The following PRIMPOL variants were observed in gnomAD, a reference collection of about 807,000 sequenced individuals.
PRIMPOL encodes primase and DNA directed polymerase.
In PRIMPOL, 54 loss-of-function variants were observed where a neutral mutation model predicts 63.6. The observed-to-expected ratio is 0.85, with a 90% CI of 0.68 to 1.07. The LOEUF (loss-of-function observed/expected upper bound fraction) is 1.07, where lower values mean the gene tolerates loss of function less well. Among genes scored for constraint, PRIMPOL ranks in the 50% least tolerant of loss-of-function variants. The pLI, the probability that PRIMPOL is intolerant of heterozygous loss-of-function variation, is 0.00. For synonymous variants in PRIMPOL, 197 were observed against 220.2 expected (o/e 0.89, Z 0.93); for missense variants, 610 against 648.3 (o/e 0.94, Z 0.64).
At chr4:184,664,218 C>A (rs1306691600) in intron 5 of PRIMPOL, among the ~76,000 whole-genome samples, 5 of 152,238 alleles carry the variant, frequency 3.3e-5, no homozygotes, top group Non-Finnish European at 5.9e-5. Flanking sequence ...AATTTATTCT[C>A]TGTAGCTCCG....
intron 9 of PRIMPOL, among the ~76,000 whole-genome samples, chr4:184,685,028 T>C (rs1756645790): frequency 6.6e-6 from 1 of 152,130 alleles, no homozygotes. Flanking sequence ...GTTGAAGTTC[T>C]GTGAGATTGC....
chr4:184,655,405 C>A (rs950627247), intron 2 of PRIMPOL, among the ~76,000 whole-genome samples: 23 of 148,926 alleles, frequency 1.5e-4, no homozygotes, highest in African/African-American at 5.7e-4. Context: ...CTCACTGGCA[C>A]CTCCACTCCT....
At chr4:184,666,348 AGCTACTCGGGAT>A (rs1252821264) in intron 6 of PRIMPOL, among the ~76,000 whole-genome samples, 1 of 152,166 alleles carries the variant, frequency 6.6e-6, no homozygotes, top group Non-Finnish European at 1.5e-5. Flanking sequence ...CTGTAGTCCC[AGCTACTCGGGAT>A]GCTGAGGCAC....
At chr4:184,651,869 G>T (rs1744618927) in intron 1 of PRIMPOL, among the ~76,000 whole-genome samples, 154 bp from the exon 2 acceptor site, 1 of 152,228 alleles carries the variant, frequency 6.6e-6, no homozygotes, top group African/African-American at 2.4e-5. Context: ...GGCTGGTCTC[G>T]AACTCCTGAC....
intron 9 of PRIMPOL, 65 bp downstream of exon 9, chr4:184,682,401 T>G: frequency 1.2e-6 from 1 of 868,544 alleles, no homozygotes; most frequent in Non-Finnish European, 1.9e-6. Context: ...CAGGCTGGAG[T>G]GCAGTGGTGC....
chr4:184,682,415 CTCG>C, intron 9 of PRIMPOL, 79 bp downstream of exon 9: 1 of 731,932 alleles, frequency 1.4e-6, no homozygotes, highest in Non-Finnish European at 2.4e-6. Flanking sequence ...GTGGTGCGAT[CTCG>C]GCTCACTGCA....
rs987851112 is a variant in PRIMPOL, at chr4:184,657,211, T to G, written c.71T>G (p.Leu24Trp). 4 of 1,613,576 alleles carry G rather than the reference T, an allele frequency of 2.5e-6. No homozygotes were observed. The highest frequency in any genetic ancestry group is 1.7e-4 in the Middle Eastern group (1 of 6,058). Reference protein sequence around the residue: ...ERASHYERKPLSSVYRPRLSK... With the variant: ...ERASHYERKPWSSVYRPRLSK... ...GCATCTCATTATGAGAGGAAACCGT[T>G]GTCCTCAGTGTATAGACCAAGATTG... The change falls in exon 3 of 14, where the codon TTG becomes TGG. Residue 24 changes from leucine to tryptophan, a missense_variant. Coordinates refer to ENST00000314970, the MANE Select transcript of PRIMPOL (RefSeq NM_152683.4).
chr4:184,665,827 C>T, intron 5 of PRIMPOL, 90 bp from the exon 6 acceptor site: 1 of 820,292 alleles, frequency 1.2e-6, no homozygotes, highest in Non-Finnish European at 1.8e-6. Flanking sequence ...CTTTTTAACT[C>T]ATAGATGATA....
At chr4:184,674,651 C>G (rs1361202541) in intron 7 of PRIMPOL, among the ~76,000 whole-genome samples, 2 of 152,166 alleles carry the variant, frequency 1.3e-5, no homozygotes, top group Non-Finnish European at 2.9e-5. Context: ...TGACCGGAAG[C>G]CTCATTGATA....
At chr4:184,660,301 C>G (rs1747962359) in intron 4 of PRIMPOL, among the ~76,000 whole-genome samples, 1 of 151,892 alleles carries the variant, frequency 6.6e-6, no homozygotes, top group Non-Finnish European at 1.5e-5. Context: ...CTGTCTCAGT[C>G]TCCCAAGTAG....
At position 184,654,608 on chromosome 4, in the gene PRIMPOL, G is replaced by A. The variant is rs542323890; in HGVS notation, c.-59-2474G>A. 2.7e-3 allele frequency among the ~76,000 whole-genome samples: 413 copies of A among 151,954 alleles called. 4 individuals are homozygous for A. Among genetic ancestry groups the A allele is most frequent in the African/African-American group, 9.1e-3 (375 of 41,436 alleles). On this transcript the variant is annotated intron_variant, in intron 2 of 13. Transcript: ENST00000314970. ...TGGGACTACAGGCACCCACCACCAC[G>A]CCCAGCTAATTTGTTTTGTATTTTT...
Position 184,691,561 on chromosome 4 carries a change from C to T in PRIMPOL, c.1358C>T (p.Ala453Val), listed in dbSNP as rs1758541187. 3 of 1,607,148 alleles carry T rather than the reference C, an allele frequency of 1.9e-6. No individual in the cohort carries two copies. Among genetic ancestry groups the T allele is most frequent in the South Asian group, 2.2e-5 (2 of 90,738 alleles). Reference sequence around the variant, plus strand: ...AAATGTCATGACCCTGTATGTAAAGCAGAAAACTTCAAATCTGACTGTAAG... The same window carrying T: ...AAATGTCATGACCCTGTATGTAAAGTAGAAAACTTCAAATCTGACTGTAAG... ...YQKCHDPVCKAENFKSDCFPL... is the reference protein window; with the variant it reads ...YQKCHDPVCKVENFKSDCFPL... Residue 453 changes from alanine to valine, a missense_variant, in exon 12 of 14, where the codon GCA (alanine) becomes GTA (valine). Physicochemically the swap from Ala to Val is moderately conservative, Grantham distance 64. This residue lies in a region of PRIMPOL where 444 missense variants were observed against 456.4 expected (regional missense o/e 0.97). Coordinates refer to ENST00000314970, the MANE Select transcript of PRIMPOL (RefSeq NM_152683.4).
chr4:184,678,115 C>G (rs1190164978), intron 7 of PRIMPOL, 117 bp from the exon 8 acceptor site: 4 of 581,120 alleles, frequency 6.9e-6, no homozygotes, highest in Non-Finnish European at 1.1e-5. Flanking sequence ...TTGTTTACAG[C>G]TATATATAGA....
intron 5 of PRIMPOL, among the ~76,000 whole-genome samples, chr4:184,664,452 C>G (rs181851062): frequency 5.3e-5 from 8 of 152,232 alleles, no homozygotes; most frequent in Non-Finnish European, 1.2e-4. Flanking sequence ...ACCTATTTCT[C>G]CCCCAAGTAA....
intron 2 of PRIMPOL, among the ~76,000 whole-genome samples, chr4:184,655,841 G>A (rs1746285789): frequency 6.6e-6 from 1 of 152,070 alleles, no homozygotes; most frequent in South Asian, 2.1e-4. Flanking sequence ...TTTCCACATA[G>A]GTAAATTATG....
At chr4:184,651,247 C>T (rs1015320827) in intron 1 of PRIMPOL, among the ~76,000 whole-genome samples, 4 of 151,252 alleles carry the variant, frequency 2.6e-5, no homozygotes, top group Admixed American at 6.6e-5. Context: ...GCTGAGATTG[C>T]GCCACTGCAC....
chr4:184,678,467 C>A, intron 8 of PRIMPOL, 73 bp downstream of exon 8: 2 of 1,013,030 alleles, frequency 2.0e-6, no homozygotes, highest in Admixed American at 2.8e-5. Context: ...TTGTATATTA[C>A]TAAAATGTAA....
At chr4:184,685,949 C>T (rs983911705) in intron 11 of PRIMPOL, among the ~76,000 whole-genome samples, 1 of 152,028 alleles carries the variant, frequency 6.6e-6, no homozygotes, top group Non-Finnish European at 1.5e-5. Context: ...TTACAGGCGC[C>T]TGCCACTACA....
chr4:184,679,146 G>C (rs1272482602), intron 8 of PRIMPOL, among the ~76,000 whole-genome samples: 1 of 151,962 alleles, frequency 6.6e-6, no homozygotes, highest in Non-Finnish European at 1.5e-5. Flanking sequence ...TTTTCTACTT[G>C]ATTTTATGAA....
Sources: allele counts gnomAD v4.1 joint callset (sites outside exome capture counted in the v4.1 genomes callset), GRCh38; gene constraint gnomAD v4.1.1; regional missense constraint gnomAD v4.1.1; transcripts MANE v1.5; gene names NCBI Gene and HGNC (gene_info 2026-07-23, HGNC 2026-07-21).